DLG2: variants seen among roughly 807,000 people sequenced by gnomAD.
The protein encoded by DLG2 is disks large homolog 2.
Under a neutral mutation model 132.5 loss-of-function variants are expected in DLG2, and 45 were observed. That is an observed-to-expected ratio of 0.34 (90% CI 0.27 to 0.44). DLG2 has a LOEUF of 0.44. Among genes scored for constraint, DLG2 ranks in the 20% least tolerant of loss-of-function variants. The probability of loss-of-function intolerance (pLI) is 1.00; values close to 1 mark genes in which losing one functional copy is unlikely to be tolerated. For missense variants in DLG2, 1,045 were observed against 1,196.9 expected (o/e 0.87, Z 1.87); for synonymous variants, 424 against 419.6 (o/e 1.01, Z -0.13).
chr11:83,612,354 G>T (rs777500466), intron 19 of DLG2, among the ~76,000 whole-genome samples: 1 of 152,112 alleles, frequency 6.6e-6, no homozygotes, highest in East Asian at 1.9e-4. Context: ...TCACCGAATT[G>T]GTGTAGGGAT....
intron 6 of DLG2, among the ~76,000 whole-genome samples, chr11:84,984,571 A>G (rs1349095751): frequency 2.8e-5 from 4 of 143,868 alleles, no homozygotes; most frequent in Non-Finnish European, 3.0e-5. Context: ...CAAAAATACA[A>G]TTGAAAAAAA....
chr11:83,761,485 A>T (rs1165873645), intron 18 of DLG2, among the ~76,000 whole-genome samples: 1 of 152,258 alleles, frequency 6.6e-6, no homozygotes, highest in African/African-American at 2.4e-5. Context: ...GAATAATGAT[A>T]GTCTCTGAAA....
At chr11:84,589,172 G>A (rs983112725) in intron 6 of DLG2, among the ~76,000 whole-genome samples, 1 of 152,170 alleles carries the variant, frequency 6.6e-6, no homozygotes, top group Admixed American at 6.5e-5. Flanking sequence ...TTGAGATGCT[G>A]GAAAGTGAGT....
intron 16 of DLG2, among the ~76,000 whole-genome samples, chr11:83,845,249 G>A (rs2058391853): frequency 1.3e-5 from 2 of 152,136 alleles, no homozygotes; most frequent in Admixed American, 6.6e-5. Context: ...ATACTTGTAG[G>A]AGATCAAAAA....
At chr11:85,586,151 T>C (rs1434140762) in intron 3 of DLG2, among the ~76,000 whole-genome samples, 1 of 152,238 alleles carries the variant, frequency 6.6e-6, no homozygotes, top group African/African-American at 2.4e-5. Flanking sequence ...GATTTTTGCA[T>C]CTATGTTCAT....
intron 8 of DLG2, among the ~76,000 whole-genome samples, chr11:84,218,784 A>G (rs1386087865): frequency 6.6e-6 from 1 of 152,192 alleles, no homozygotes; most frequent in African/African-American, 2.4e-5. Context: ...ACTACTGAGG[A>G]GTTGGCATTA....
intron 6 of DLG2, among the ~76,000 whole-genome samples, chr11:84,598,811 C>T (rs769131364): frequency 4.6e-5 from 7 of 151,644 alleles, no homozygotes; most frequent in Non-Finnish European, 8.8e-5. Flanking sequence ...CATGGTGTCA[C>T]ATACATGTGG....
chr11:84,709,972 T>A (rs1418705296), intron 6 of DLG2, among the ~76,000 whole-genome samples: 1 of 151,992 alleles, frequency 6.6e-6, no homozygotes, highest in Admixed American at 6.6e-5. Context: ...CTTCTCATTA[T>A]CTGGAGCAGG....
At chr11:83,937,739 A>T (rs2081815781) in intron 14 of DLG2, among the ~76,000 whole-genome samples, 2 of 152,208 alleles carry the variant, frequency 1.3e-5, no homozygotes, top group African/African-American at 4.8e-5. Flanking sequence ...CCTCACTAGG[A>T]ATAAAAATAA....
chr11:85,149,906 G>A (rs959785899), intron 5 of DLG2, among the ~76,000 whole-genome samples: 2 of 151,056 alleles, frequency 1.3e-5, no homozygotes. Context: ...AAACTAAGGA[G>A]AGCCACTACT....
chr11:84,052,442 C>G (rs571898758), intron 11 of DLG2, among the ~76,000 whole-genome samples: 1 of 151,758 alleles, frequency 6.6e-6, no homozygotes, highest in Non-Finnish European at 1.5e-5. Context: ...TTTTTTTAAT[C>G]TGTCCATCTG....
intron 2 of DLG2, among the ~76,000 whole-genome samples, chr11:85,600,951 T>C (rs2080111617): frequency 6.6e-6 from 1 of 152,208 alleles, no homozygotes; most frequent in African/African-American, 2.4e-5. Flanking sequence ...TTCCAAAGTC[T>C]AAATATTCCC....
intron 6 of DLG2, among the ~76,000 whole-genome samples, chr11:85,009,117 T>C (rs1378889880): frequency 6.6e-6 from 1 of 151,916 alleles, no homozygotes; most frequent in Non-Finnish European, 1.5e-5. Flanking sequence ...AAAGGTAAGG[T>C]CAAGATTGTG....
chr11:84,045,891 T>G (rs1159845017), intron 11 of DLG2, among the ~76,000 whole-genome samples: 1 of 151,542 alleles, frequency 6.6e-6, no homozygotes, highest in South Asian at 2.1e-4. Context: ...GGCTCTCTTG[T>G]GAAGAGTTGT....
At chr11:83,957,974 C>A (rs2087357199) in intron 14 of DLG2, among the ~76,000 whole-genome samples, 2 of 152,208 alleles carry the variant, frequency 1.3e-5, no homozygotes, top group Non-Finnish European at 2.9e-5. Flanking sequence ...TCCTATTTTA[C>A]TTCCTTTGTA....
intron 4 of DLG2, among the ~76,000 whole-genome samples, chr11:85,195,720 G>T (rs1026588302): frequency 7.9e-5 from 12 of 151,850 alleles, no homozygotes; most frequent in Admixed American, 6.6e-5. Flanking sequence ...TAGAGACGGG[G>T]TTTCACCGTG....
At chr11:85,569,580 A>G (rs190540937) in intron 3 of DLG2, among the ~76,000 whole-genome samples, 6 of 152,296 alleles carry the variant, frequency 3.9e-5, no homozygotes, top group African/African-American at 9.6e-5. Context: ...GTTGAAGAGC[A>G]CACTTTGTAT....
intron 2 of DLG2, among the ~76,000 whole-genome samples, chr11:85,602,066 C>T (rs953532088): frequency 2.0e-5 from 3 of 152,182 alleles, no homozygotes; most frequent in African/African-American, 7.2e-5. Flanking sequence ...GCATCTCAAA[C>T]TTCACTTGTC....
At chr11:84,293,481 C>T (rs1335883582) in intron 7 of DLG2, among the ~76,000 whole-genome samples, 2 of 152,056 alleles carry the variant, frequency 1.3e-5, no homozygotes, top group Non-Finnish European at 2.9e-5. Flanking sequence ...CAAGACCAGC[C>T]TAGCCAACAT....
Sources: allele counts gnomAD v4.1 joint callset (sites outside exome capture counted in the v4.1 genomes callset), GRCh38; gene constraint gnomAD v4.1.1; transcripts MANE v1.5; gene names NCBI Gene and HGNC (gene_info 2026-07-23, HGNC 2026-07-21).